The following GRM5 variants were observed in gnomAD, a reference collection of about 807,000 sequenced individuals.
GRM5 encodes metabotropic glutamate receptor 5.
A neutral mutation model predicts 83.1 loss-of-function variants in GRM5; 19 were observed. The observed-to-expected ratio is 0.23, with a 90% CI of 0.16 to 0.34. The LOEUF (loss-of-function observed/expected upper bound fraction) is 0.34, where lower values mean the gene tolerates loss of function less well. GRM5 is among the 10% of genes least tolerant of loss of function. GRM5 has a pLI of 1.00. For synonymous variants in GRM5, 675 were observed against 633.6 expected, an observed-to-expected ratio of 1.07 and a Z score of -0.98; for missense variants, 1,160 against 1,588.3, an observed-to-expected ratio of 0.73 and a Z score of 4.58.
chr11:88,759,288 G>C (rs974858734), intron 3 of GRM5, among the ~76,000 whole-genome samples: 3 of 152,104 alleles, frequency 2.0e-5, no homozygotes, highest in African/African-American at 4.8e-5. Flanking sequence ...TAGCAAGCTA[G>C]ATTAAGAAGC....
chr11:88,798,987 T>C (rs1160426838), intron 3 of GRM5, among the ~76,000 whole-genome samples: 1 of 151,922 alleles, frequency 6.6e-6, no homozygotes, highest in Admixed American at 6.6e-5. Flanking sequence ...ATAAAAGCTT[T>C]TGTTTTCATA....
intron 8 of GRM5, among the ~76,000 whole-genome samples, chr11:88,558,608 C>A (rs1942680569): frequency 6.6e-6 from 1 of 151,730 alleles, no homozygotes; most frequent in South Asian, 2.1e-4. Context: ...TCGAGACCAT[C>A]CTGGACAACA....
chr11:88,627,820 C>T (rs1228063693), intron 4 of GRM5, among the ~76,000 whole-genome samples: 2 of 152,082 alleles, frequency 1.3e-5, no homozygotes, highest in Non-Finnish European at 2.9e-5. Context: ...TCTCCCTCAC[C>T]CAACAAATTC....
chr11:88,768,670 G>A (rs561185763), intron 3 of GRM5, among the ~76,000 whole-genome samples: 29 of 151,878 alleles, frequency 1.9e-4, no homozygotes, highest in African/African-American at 6.5e-4. Flanking sequence ...CACCTGAAAG[G>A]TCATCACACT....
chr11:89,019,306 TTA>T (rs533427920), intron 2 of GRM5, among the ~76,000 whole-genome samples: 89 of 152,298 alleles, frequency 5.8e-4, no homozygotes, highest in Middle Eastern at 3.4e-3. Flanking sequence ...TTATCATTGT[TTA>T]TGTTACACTT....
chr11:88,849,047 T>C (rs540459054), intron 3 of GRM5, among the ~76,000 whole-genome samples: 3 of 152,174 alleles, frequency 2.0e-5, no homozygotes, highest in Non-Finnish European at 4.4e-5. Flanking sequence ...TCAACTTTCA[T>C]AGTTCTAAGA....
intron 3 of GRM5, among the ~76,000 whole-genome samples, chr11:88,746,211 G>T (rs1164251198): frequency 6.6e-6 from 1 of 152,036 alleles, no homozygotes; most frequent in East Asian, 1.9e-4. Flanking sequence ...TCTAGGAATA[G>T]CATCATCATT....
chr11:88,533,966 G>A (rs1942076463), intron 8 of GRM5, among the ~76,000 whole-genome samples: 1 of 152,192 alleles, frequency 6.6e-6, no homozygotes, highest in Non-Finnish European at 1.5e-5. Flanking sequence ...TGGCTTCAGA[G>A]GATGCAAGCC....
chr11:88,533,343 G>T (rs1438658688), intron 8 of GRM5, among the ~76,000 whole-genome samples: 1 of 152,018 alleles, frequency 6.6e-6, no homozygotes. Context: ...TGCCTTTAAT[G>T]CTTTCATTAA....
intron 3 of GRM5, among the ~76,000 whole-genome samples, chr11:88,692,227 AATTCATTTTCTGATCTGTC>A (rs1940797292): frequency 6.6e-6 from 1 of 152,256 alleles, no homozygotes; most frequent in South Asian, 2.1e-4. Context: ...GTACTATACT[AATTCATTTTCTGATCTGTC>A]ATTCATTGTG....
intron 2 of GRM5, among the ~76,000 whole-genome samples, chr11:88,882,838 C>T (rs1944982664): frequency 1.3e-5 from 2 of 152,024 alleles, no homozygotes; most frequent in South Asian, 2.1e-4. Context: ...TGGGAAGGAC[C>T]CAGTGGGAGG....
At position 88,995,840 on chromosome 11, in the gene GRM5, G is replaced by A. The variant is rs544482547; in HGVS notation, c.661+51372C>T. On this transcript the variant is annotated intron_variant, in intron 2 of 9. Transcript: ENST00000305447. ...AATTCCAAATAAAATATCTACAAATGTATAAGAAGAATGATTACATATTGG... is the reference window on the plus strand; with the variant it reads ...AATTCCAAATAAAATATCTACAAATATATAAGAAGAATGATTACATATTGG... Among the ~76,000 whole-genome samples, 41 of 152,228 alleles carry A rather than the reference G, an allele frequency of 2.7e-4. No homozygotes were observed. In the South Asian group the frequency reaches 8.3e-3, roughly 31 times the overall value.
chr11:88,994,763 G>A (rs530597548), intron 2 of GRM5, among the ~76,000 whole-genome samples: 1 of 151,634 alleles, frequency 6.6e-6, no homozygotes, highest in African/African-American at 2.4e-5. Context: ...GTATGTATGA[G>A]GTTCCATAAG....
At chr11:88,671,602 A>T (rs955913149) in intron 3 of GRM5, among the ~76,000 whole-genome samples, 1 of 152,108 alleles carries the variant, frequency 6.6e-6, no homozygotes, top group Non-Finnish European at 1.5e-5. Context: ...AAAATGAACA[A>T]ACTACCGTTA....
At chr11:88,640,456 C>T (rs1283024821) in intron 4 of GRM5, among the ~76,000 whole-genome samples, 1 of 152,176 alleles carries the variant, frequency 6.6e-6, no homozygotes, top group Admixed American at 6.6e-5. Context: ...GGGGTTTTCT[C>T]CATGAATAAG....
At chr11:88,749,224 G>T (rs538113827) in intron 3 of GRM5, among the ~76,000 whole-genome samples, 1 of 152,228 alleles carries the variant, frequency 6.6e-6, no homozygotes, top group South Asian at 2.1e-4. Flanking sequence ...CTGATAGCCA[G>T]AATGGCCAGT....
chr11:88,978,562 T>G (rs1057109083), intron 2 of GRM5, among the ~76,000 whole-genome samples: 31 of 146,978 alleles, frequency 2.1e-4, no homozygotes, highest in African/African-American at 7.5e-4. Context: ...TTGGGGAGCA[T>G]TTAAAGCCAT....
rs555783122 is a variant in GRM5 at position 88,639,221 on chromosome 11, G to A, written c.1147+13947C>T. Among the ~76,000 whole-genome samples, 21 of 152,222 alleles carry A rather than the reference G, an allele frequency of 1.4e-4. No homozygotes were observed. The South Asian group carries it at 2.7e-3, about 20-fold the overall frequency. On this transcript the variant is annotated intron_variant, in intron 4 of 9. Transcript: ENST00000305447. Reference sequence around the variant, plus strand: ...TAAGTGGTTCTGTCCCGGGTCATGCGTGTTTGATGAATACTCCGCTGAATG... The same window carrying A: ...TAAGTGGTTCTGTCCCGGGTCATGCATGTTTGATGAATACTCCGCTGAATG...
intron 8 of GRM5, among the ~76,000 whole-genome samples, chr11:88,529,332 G>T (rs1474706831): frequency 2.0e-5 from 3 of 150,822 alleles, no homozygotes; most frequent in Admixed American, 6.6e-5. Flanking sequence ...TACAAGAAGG[G>T]TTACTTAACC....
Sources: allele counts gnomAD v4.1 joint callset (sites outside exome capture counted in the v4.1 genomes callset), GRCh38; gene constraint gnomAD v4.1.1; transcripts MANE v1.5; gene names NCBI Gene and HGNC (gene_info 2026-07-23, HGNC 2026-07-21).